The following GALNT17 variants were observed in gnomAD, a reference collection of about 807,000 sequenced individuals.
GALNT17 encodes the protein polypeptide N-acetylgalactosaminyltransferase 17.
Under a neutral mutation model 63.7 loss-of-function variants are expected in GALNT17, and 29 were observed. The observed-to-expected ratio is 0.46, with a 90% CI of 0.34 to 0.62. The LOEUF (loss-of-function observed/expected upper bound fraction) is 0.62. GALNT17 is among the 20% of genes least tolerant of loss of function. The pLI is 0.01. For synonymous variants in GALNT17, 305 were observed against 318.3 expected, an observed-to-expected ratio of 0.96 and a Z score of 0.45; for missense variants, 603 against 799.6, an observed-to-expected ratio of 0.75 and a Z score of 2.97.
chr7:71,475,426 C>A (rs1351466558), intron 5 of GALNT17, among the ~76,000 whole-genome samples: 1 of 152,156 alleles, frequency 6.6e-6, no homozygotes. Flanking sequence ...GCATTAGATT[C>A]TCATAAGGAG....
chr7:71,323,017 G>C (rs576061975), intron 1 of GALNT17, among the ~76,000 whole-genome samples: 1 of 152,026 alleles, frequency 6.6e-6, no homozygotes, highest in African/African-American at 2.4e-5. Flanking sequence ...TGAAGGAGTG[G>C]GTGTGTTTAG....
intron 2 of GALNT17, among the ~76,000 whole-genome samples, chr7:71,370,878 T>C (rs957837924): frequency 2.4e-4 from 36 of 152,124 alleles, no homozygotes; most frequent in Non-Finnish European, 4.1e-4. Context: ...AGTGCTGAGA[T>C]TACAGGCATG....
At chr7:71,233,145 C>G (rs1789824878) in intron 1 of GALNT17, among the ~76,000 whole-genome samples, 1 of 152,202 alleles carries the variant, frequency 6.6e-6, no homozygotes, top group African/African-American at 2.4e-5. Context: ...ACCCTGGTGG[C>G]TCTCTGCCCC....
At chr7:71,350,990 A>T (rs867055236) in intron 2 of GALNT17, among the ~76,000 whole-genome samples, 1 of 151,420 alleles carries the variant, frequency 6.6e-6, no homozygotes. Context: ...AAAATACAAA[A>T]ATTAGCTGGG....
chr7:71,376,095 A>AAAAAGG (rs111564306), intron 2 of GALNT17, among the ~76,000 whole-genome samples: 20,597 of 151,752 alleles, frequency 0.14, 1,702 homozygotes, highest in East Asian at 0.39. Context: ...AAAGAAAAAG[A>AAAAAGG]AAAAGAAAAA....
In GALNT17 at chr7:71,709,389, G is replaced by A. The variant is rs193094732; in HGVS notation, c.1501-1372G>A. ...GAGAGTGTCTGTTCATGTCCTTTGC[G>A]CATAAAAGTGGATTAATTGAATCAA... On this transcript the variant is annotated intron_variant, in intron 9 of 10. Transcript: ENST00000333538. Among the ~76,000 whole-genome samples the A allele has an allele frequency of 5.3e-5, 8 of 152,098 alleles. No individual in the cohort carries two copies. The East Asian group carries it at 7.7e-4, about 15-fold the overall frequency.
At chr7:71,641,707 G>C (rs1048317232) in intron 6 of GALNT17, among the ~76,000 whole-genome samples, 4 of 151,834 alleles carry the variant, frequency 2.6e-5, no homozygotes, top group African/African-American at 9.7e-5. Flanking sequence ...CATGAATTTT[G>C]GGGAGACATG....
At chr7:71,443,204 G>C (rs1055267286) in intron 5 of GALNT17, among the ~76,000 whole-genome samples, 2 of 152,072 alleles carry the variant, frequency 1.3e-5, no homozygotes, top group African/African-American at 4.8e-5. Context: ...TTGAATACTG[G>C]GTCTCTGCAA....
At chr7:71,354,404 T>C (rs1200028548) in intron 2 of GALNT17, among the ~76,000 whole-genome samples, 1 of 152,212 alleles carries the variant, frequency 6.6e-6, no homozygotes, top group Non-Finnish European at 1.5e-5. Context: ...TTAGTTTTAA[T>C]GATCTTGAGG....
At chr7:71,538,691 A>G (rs1788839473) in intron 5 of GALNT17, among the ~76,000 whole-genome samples, 2 of 152,048 alleles carry the variant, frequency 1.3e-5, no homozygotes, top group Admixed American at 6.6e-5. Flanking sequence ...CCTCTTTTAA[A>G]AGTGGGTTTC....
chr7:71,326,349 G>A (rs997724569), intron 1 of GALNT17, among the ~76,000 whole-genome samples: 2 of 152,028 alleles, frequency 1.3e-5, no homozygotes, highest in South Asian at 2.1e-4. Flanking sequence ...TCCTAGCTTC[G>A]CAGGAGGCTG....
intron 1 of GALNT17, among the ~76,000 whole-genome samples, chr7:71,227,439 C>T (rs964888848): frequency 6.6e-6 from 1 of 151,924 alleles, no homozygotes; most frequent in African/African-American, 2.4e-5. Context: ...TGGGAGAACT[C>T]AGGGGAGATC....
At chr7:71,289,916 G>T (rs886118519) in intron 1 of GALNT17, among the ~76,000 whole-genome samples, 1 of 149,452 alleles carries the variant, frequency 6.7e-6, no homozygotes, top group African/African-American at 2.5e-5. Flanking sequence ...GTGGTGGCAC[G>T]CACCTGTAGT....
At chr7:71,366,749 T>TAG (rs1422945651) in intron 2 of GALNT17, among the ~76,000 whole-genome samples, 1 of 152,192 alleles carries the variant, frequency 6.6e-6, no homozygotes, top group Non-Finnish European at 1.5e-5. Flanking sequence ...GCCGACTTGC[T>TAG]CTCTAAAGGA....
chr7:71,229,323 A>G lies in GALNT17; in HGVS notation c.238+96283A>G, dbSNP rs112243602. Among the ~76,000 whole-genome samples, 3 of 152,298 alleles carry G rather than the reference A, an allele frequency of 2.0e-5. 1 individual carries two copies. The highest frequency in any genetic ancestry group is 7.2e-5 in the African/African-American group (3 of 41,582). ...TCAACGGACCCAGGATTCCCCTGGGAGGCTCCTTCTGCCTTAGCAGACTGG... is the reference window on the plus strand; with the variant it reads ...TCAACGGACCCAGGATTCCCCTGGGGGGCTCCTTCTGCCTTAGCAGACTGG... On this transcript the variant is annotated intron_variant, in intron 1 of 10. Coordinates refer to ENST00000333538, the MANE Select transcript of GALNT17 (RefSeq NM_022479.3).
At chr7:71,465,613 C>G (rs555932736) in intron 5 of GALNT17, among the ~76,000 whole-genome samples, 1 of 152,312 alleles carries the variant, frequency 6.6e-6, no homozygotes, top group African/African-American at 2.4e-5. Flanking sequence ...AGCCCGATCT[C>G]CTCCTACTGT....
intron 2 of GALNT17, 111 bp downstream of exon 2, chr7:71,335,844 AT>A: frequency 1.0e-6 from 1 of 983,818 alleles, no homozygotes; most frequent in Non-Finnish European, 1.4e-6. Context: ...GGGAGTTTTT[AT>A]TTTAGTTTCC....
intron 5 of GALNT17, among the ~76,000 whole-genome samples, chr7:71,548,968 G>T (rs1789030527): frequency 6.6e-6 from 1 of 152,158 alleles, no homozygotes. Flanking sequence ...GCCAGGGAGT[G>T]GGGTGTGTGG....
chr7:71,281,950 C>G (rs1248588726), intron 1 of GALNT17, among the ~76,000 whole-genome samples: 1 of 152,168 alleles, frequency 6.6e-6, no homozygotes, highest in Non-Finnish European at 1.5e-5. Flanking sequence ...AAATCCGATT[C>G]CCTCTCATCC....
Sources: gnomAD v4.1 joint callset for allele counts (sites outside exome capture counted in the v4.1 genomes callset) on GRCh38, gnomAD v4.1.1 for gene constraint, MANE v1.5 for transcripts, NCBI Gene and HGNC (gene_info 2026-07-23, HGNC 2026-07-21) for gene names.